ENAH: variants seen among roughly 807,000 people sequenced by gnomAD.
The protein encoded by ENAH is protein enabled homolog.
In ENAH, 23 loss-of-function variants were observed where a neutral mutation model predicts 78.7. The ratio of observed to expected loss-of-function variants is 0.29; its 90% CI spans 0.21 to 0.41. The LOEUF is 0.41. Ranked by LOEUF, ENAH falls within the 10% of genes least tolerant of loss-of-function variation. The pLI, the probability that ENAH is intolerant of heterozygous loss-of-function variation, is 1.00. For missense variants in ENAH, 544 were observed against 691.0 expected, an observed-to-expected ratio of 0.79 and a Z score of 2.39; for synonymous variants, 226 against 241.0, an observed-to-expected ratio of 0.94 and a Z score of 0.58.
rs1411602966 is a variant in ENAH, at chr1:225,495,464, T to G, written c.*2311A>C. On this transcript the variant is annotated 3_prime_UTR_variant, in exon 14 of 14. Transcript: ENST00000366843. Reference sequence around the variant, plus strand: ...AGCATGATTCAACACTGGTTTTTTTTTTTTTTTTTTTTTGTCAGTTTACAC... The same window carrying G: ...AGCATGATTCAACACTGGTTTTTTTGTTTTTTTTTTTTTGTCAGTTTACAC... 2 of 150,146 alleles carry G rather than the reference T, an allele frequency of 1.3e-5. No individual in the cohort carries two copies. The highest frequency in any genetic ancestry group is 3.0e-5 in the Non-Finnish European group (2 of 67,384). 9.3% of individuals were successfully genotyped at this position (150,146 alleles called of 1,614,324 possible). A position where few individuals can be genotyped will look rare whatever the true frequency, so the allele number is the denominator to read the frequency against.
At chr1:225,558,627 C>CTTTTTTTTTTT (rs71170091) in intron 2 of ENAH, among the ~76,000 whole-genome samples, 5 of 69,246 alleles carry the variant, frequency 7.2e-5, no homozygotes, top group East Asian at 5.1e-4. Flanking sequence ...TAATTTCTGC[C>CTTTTTTTTTTT]TTTTTTTTTT....
rs1050828984 is a variant in ENAH at position 225,494,699 on chromosome 1, G to A, written c.*3076C>T. On this transcript the variant is annotated 3_prime_UTR_variant, in exon 14 of 14. Coordinates refer to ENST00000366843, the MANE Select transcript of ENAH (RefSeq NM_018212.6). Reference sequence around the variant, plus strand: ...TCTGTAAAGAATAGTGACGTGACATGTAAACTTTTAAGTAGTAAAGTCTTG... The same window carrying A: ...TCTGTAAAGAATAGTGACGTGACATATAAACTTTTAAGTAGTAAAGTCTTG... The A allele has an allele frequency of 3.3e-5, 5 of 152,172 alleles. No individual in the cohort carries two copies. Among genetic ancestry groups the A allele is most frequent in the South Asian group, 2.1e-4 (1 of 4,830 alleles). The allele number at this position is 152,172 out of a possible 1,614,324, so 9.4% of individuals were successfully genotyped here. A position where few individuals can be genotyped will look rare whatever the true frequency, so the allele number is the denominator to read the frequency against.
At position 225,492,946 on chromosome 1, in the gene ENAH, T is replaced by C. The variant is rs1056896268; in HGVS notation, c.*4829A>G. ...TTCTTTAGCAGTTGTCAAATGTGTC[T>C]CCTCACCAAAAGATTTTACTCTTAT... On this transcript the variant is annotated 3_prime_UTR_variant, in exon 14 of 14. Coordinates refer to ENST00000366843, the MANE Select transcript of ENAH (RefSeq NM_018212.6). 1 of 152,226 alleles carries C rather than the reference T, an allele frequency of 6.6e-6. No homozygotes were observed. Among genetic ancestry groups the C allele is most frequent in the Admixed American group, 6.5e-5 (1 of 15,282 alleles). The allele number at this position is 152,226 out of a possible 1,614,324, so 9.4% of individuals were successfully genotyped here. A position where few individuals can be genotyped will look rare whatever the true frequency, so the allele number is the denominator to read the frequency against.
At chr1:225,564,973 T>C (rs2096727561) in intron 2 of ENAH, among the ~76,000 whole-genome samples, 1 of 152,034 alleles carries the variant, frequency 6.6e-6, no homozygotes, top group African/African-American at 2.4e-5. Context: ...TTTCTAAATA[T>C]TTTTTAATAT....
At chr1:225,549,973 CTTTA>C (rs1273054509) in intron 3 of ENAH, among the ~76,000 whole-genome samples, 3 of 152,134 alleles carry the variant, frequency 2.0e-5, no homozygotes, top group East Asian at 3.9e-4. Flanking sequence ...CATATCAATC[CTTTA>C]TTTAGCATCC....
Position 225,652,918 on chromosome 1 carries a change from G to A in ENAH, c.-228C>T, listed in dbSNP as rs1056151439. 3 of 391,666 alleles carry A rather than the reference G, an allele frequency of 7.7e-6. No homozygotes were observed. The highest frequency in any genetic ancestry group is 4.1e-5 in the African/African-American group (2 of 48,410). 24.3% of individuals were successfully genotyped at this position (391,666 alleles called of 1,614,324 possible). Reference sequence around the variant, plus strand: ...AGAAAGGCTGGGGAGGGGGCGGAGAGGCCGAGGCGCGGAGCTGGTCCCCAG... The same window carrying A: ...AGAAAGGCTGGGGAGGGGGCGGAGAAGCCGAGGCGCGGAGCTGGTCCCCAG... On this transcript the variant is annotated 5_prime_UTR_variant, in exon 1 of 14. Coordinates refer to ENST00000366843, the MANE Select transcript of ENAH (RefSeq NM_018212.6).
chr1:225,562,854 T>C (rs1362995504), intron 2 of ENAH, among the ~76,000 whole-genome samples: 2 of 151,640 alleles, frequency 1.3e-5, no homozygotes, highest in African/African-American at 4.8e-5. Context: ...ATGCCTATAA[T>C]CTCAGCTACT....
rs1214878606 is a variant in ENAH, at chr1:225,494,401, T to G, written c.*3374A>C. On this transcript the variant is annotated 3_prime_UTR_variant, in exon 14 of 14. Coordinates refer to ENST00000366843, the MANE Select transcript of ENAH (RefSeq NM_018212.6). ...AAAATTCATTACTCAATAATGCCCTTTACCACACAATGTCCTTTACCATGC... is the reference window on the plus strand; with the variant it reads ...AAAATTCATTACTCAATAATGCCCTGTACCACACAATGTCCTTTACCATGC... 2 of 152,198 alleles carry G rather than the reference T, an allele frequency of 1.3e-5. No homozygotes were observed. Among genetic ancestry groups the G allele is most frequent in the Non-Finnish European group, 2.9e-5 (2 of 68,020 alleles). The allele number at this position is 152,198 out of a possible 1,614,324, so 9.4% of individuals were successfully genotyped here. A position where few individuals can be genotyped will look rare whatever the true frequency, so the allele number is the denominator to read the frequency against.
At chr1:225,558,013 CT>C (rs2096676064) in intron 2 of ENAH, among the ~76,000 whole-genome samples, 1 of 152,134 alleles carries the variant, frequency 6.6e-6, no homozygotes, top group Admixed American at 6.6e-5. Flanking sequence ...GTAAGTTACA[CT>C]GATGATTTTC....
intron 2 of ENAH, among the ~76,000 whole-genome samples, chr1:225,556,206 T>C (rs1292841058): frequency 6.6e-6 from 1 of 152,232 alleles, no homozygotes; most frequent in African/African-American, 2.4e-5. Context: ...CAAACAAGCA[T>C]TCATTTTTGT....
chr1:225,643,447 T>C (rs1661437043), intron 1 of ENAH, among the ~76,000 whole-genome samples: 2 of 151,444 alleles, frequency 1.3e-5, no homozygotes, highest in African/African-American at 4.8e-5. Context: ...CTTCTAGGAA[T>C]GTATCCTAAA....
In ENAH at chr1:225,523,703, A is replaced by G. The variant is rs116680340; in HGVS notation, c.435-4138T>C. Among the ~76,000 whole-genome samples the G allele has an allele frequency of 3.5e-3, 527 of 152,278 alleles. 3 individuals carry two copies. Among genetic ancestry groups the G allele is most frequent in the African/African-American group, 0.012 (508 of 41,556 alleles). On this transcript the variant is annotated intron_variant, in intron 4 of 13. Coordinates refer to ENST00000366843, the MANE Select transcript of ENAH (RefSeq NM_018212.6). ...GGCTTCCGAATCTTGTGTGGCATGAATAATTCCCACCTAAATTGGATGGTT... is the reference window on the plus strand; with the variant it reads ...GGCTTCCGAATCTTGTGTGGCATGAGTAATTCCCACCTAAATTGGATGGTT...
rs2096446931 is a variant in ENAH at position 225,519,275 on chromosome 1, C to G, written c.725G>C (p.Arg242Thr). ...RERLERLERERQERERQEQLE... is the reference protein window; with the variant it reads ...RERLERLERETQERERQEQLE... Reference sequence around the variant, plus strand: ...CTGCTCTTGTCGCTCCCTTTCTTGCCTCTCCCGTTCCAGTCTCTCCAGCCT... The same window carrying G: ...CTGCTCTTGTCGCTCCCTTTCTTGCGTCTCCCGTTCCAGTCTCTCCAGCCT... The change falls in exon 5 of 14, where the codon AGG becomes ACG. Residue 242 changes from arginine (R) to threonine (T), a missense_variant. Physicochemically the swap from Arg to Thr is moderately conservative, Grantham distance 71. This residue lies in a region of ENAH where 366 missense variants were observed against 396.1 expected (regional missense o/e 0.92). Coordinates refer to ENST00000366843, the MANE Select transcript of ENAH (RefSeq NM_018212.6). 1 of 1,613,970 alleles carries G rather than the reference C, an allele frequency of 6.2e-7. No individual in the cohort carries two copies. The highest frequency in any genetic ancestry group is 8.5e-7 in the Non-Finnish European group (1 of 1,179,974).
chr1:225,487,604 C>T lies in ENAH; in HGVS notation c.*10171G>A, dbSNP rs1161050542. On this transcript the variant is annotated 3_prime_UTR_variant, in exon 14 of 14. Transcript: ENST00000366843. ...ATTTCTAGTTACAATTAAAATACAG[C>T]CTTGTATATGTTTAAGTCAACCTTA... is the stretch of plus-strand genomic sequence containing the variant. 6.6e-6 allele frequency: 1 copy of T among 152,194 alleles called. No homozygotes were observed. Among genetic ancestry groups the T allele is most frequent in the African/African-American group, 2.4e-5 (1 of 41,444 alleles). The allele number at this position is 152,194 out of a possible 1,614,324, so 9.4% of individuals were successfully genotyped here. A position where few individuals can be genotyped will look rare whatever the true frequency, so the allele number is the denominator to read the frequency against.
intron 1 of ENAH, among the ~76,000 whole-genome samples, chr1:225,618,736 AT>A (rs1232377266): frequency 2.6e-5 from 4 of 152,218 alleles, no homozygotes; most frequent in African/African-American, 9.6e-5. Context: ...TGAGAACACT[AT>A]CTCTGTGCTT....
Position 225,567,308 on chromosome 1 carries a change from A to AG in ENAH, c.111dup (p.Tyr38LeufsTer29). The AG allele has an allele frequency of 6.2e-7, 1 of 1,614,120 alleles. No homozygotes were observed. The highest frequency in any genetic ancestry group is 8.5e-7 in the Non-Finnish European group (1 of 1,180,002). On this transcript the variant is annotated frameshift_variant, in exon 2 of 14. Transcript: ENST00000366843. LOFTEE classifies it high-confidence loss of function. Reference sequence around the variant, plus strand: ...AATGTGTTGTTGCCTGTATGGTGATAGATATGAACTCTGCTGAATCCAGTT... The same window carrying AG: ...AATGTGTTGTTGCCTGTATGGTGATAGGATATGAACTCTGCTGAATCCAGTT...
chr1:225,606,586 G>A (rs898017712), intron 1 of ENAH, among the ~76,000 whole-genome samples: 93 of 151,812 alleles, frequency 6.1e-4, no homozygotes, highest in Admixed American at 5.9e-4. Context: ...AGCGGTTCAC[G>A]CCTATAATTC....
rs2096427789 is a variant in ENAH, at chr1:225,517,242, T to C, written c.867A>G (p.Pro289=). ...CCGGCTGAGAGGCTGCCTGCAAGCCTGGCTCAGAAGCAGAAGAGTCTCCCA... is the reference window on the plus strand; with the variant it reads ...CCGGCTGAGAGGCTGCCTGCAAGCCCGGCTCAGAAGCAGAAGAGTCTCCCA... ...SVLGDSSASE[P]GLQAASQPAE... The change falls in exon 6 of 14, where the codon CCA becomes CCG. Residue 289 remains proline (P), a synonymous_variant. Coordinates refer to ENST00000366843, the MANE Select transcript of ENAH (RefSeq NM_018212.6). 6.4e-7 allele frequency: 1 copy of C among 1,550,558 alleles called. No individual in the cohort carries two copies. The highest frequency in any genetic ancestry group is 8.7e-7 in the Non-Finnish European group (1 of 1,146,610).
intron 1 of ENAH, among the ~76,000 whole-genome samples, chr1:225,650,547 T>A (rs1575879929): frequency 6.6e-6 from 1 of 152,160 alleles, no homozygotes; most frequent in African/African-American, 2.4e-5. Context: ...TTCCTGTTTT[T>A]ATTTAAAAAT....
Sources: allele counts gnomAD v4.1 joint callset (sites outside exome capture counted in the v4.1 genomes callset), GRCh38; gene constraint gnomAD v4.1.1; regional missense constraint gnomAD v4.1.1; transcripts MANE v1.5; gene names NCBI Gene and HGNC (gene_info 2026-07-23, HGNC 2026-07-21).